The following F9 variants were observed in gnomAD, a reference collection of about 807,000 sequenced individuals.
F9 encodes Christmas factor.
A neutral mutation model predicts 34.1 loss-of-function variants in F9; 2 were observed. That is an observed-to-expected ratio of 0.06 (90% CI 0.02 to 0.18). The LOEUF is 0.18. F9 is among the 10% of genes least tolerant of loss of function. F9 has a pLI of 1.00. For missense variants in F9, 216 were observed against 345.1 expected (o/e 0.63, Z 2.96); for synonymous variants, 137 against 118.8 (o/e 1.15, Z -1.00).
chrX:139,544,433 T>G (rs1027270531), intron 4 of F9, among the ~76,000 whole-genome samples: 3 of 110,771 alleles, frequency 2.7e-5, no homozygotes, highest in Admixed American at 1.9e-4. Context: ...TAGCAAAGGT[T>G]AAAGCTCAAG....
chrX:139,540,709 T>A (rs1425136211), intron 3 of F9, among the ~76,000 whole-genome samples: 1 of 111,932 alleles, frequency 8.9e-6, no homozygotes, highest in Non-Finnish European at 1.9e-5. Flanking sequence ...GCAATTAAAT[T>A]TGACTTGGAA....
At chrX:139,541,518 G>A (rs1429201824) in intron 4 of F9, among the ~76,000 whole-genome samples, 1 of 111,734 alleles carries the variant, frequency 8.9e-6, no homozygotes, top group African/African-American at 3.3e-5. Flanking sequence ...AATTACAGAG[G>A]CATAAATGGT....
At position 139,563,044 on chromosome X, in the gene F9, A is replaced by C. The variant is rs1387333922; in HGVS notation, c.*973A>C. 9.3e-6 allele frequency: 1 copy of C among 107,032 alleles called. No homozygotes were observed. The highest frequency in any genetic ancestry group is 1.9e-5 in the Non-Finnish European group (1 of 52,047). 8.8% of individuals were successfully genotyped at this position (107,032 alleles called of 1,213,427 possible). The stretch of plus-strand genomic sequence containing the variant: ...GATTGGCATATCATTGTAACTAAAA[A>C]AGCTGACATTGACCCAGACATATTG... On this transcript the variant is annotated 3_prime_UTR_variant, in exon 8 of 8. Coordinates refer to ENST00000218099, the MANE Select transcript of F9 (RefSeq NM_000133.4).
chrX:139,561,451 C>T, intron 7 of F9, 73 bp from the exon 8 acceptor site: 2 of 946,952 alleles, frequency 2.1e-6, no homozygotes, highest in Non-Finnish European at 3.0e-6. Flanking sequence ...GTCAGTGGTC[C>T]CAAGTAGTCA....
At chrX:139,537,777 G>A (rs753890001) in intron 3 of F9, among the ~76,000 whole-genome samples, 7 of 111,158 alleles carry the variant, frequency 6.3e-5, no homozygotes, top group Admixed American at 2.9e-4. Context: ...TTCCATGATT[G>A]TCCTTCCCCA....
intron 1 of F9, among the ~76,000 whole-genome samples, chrX:139,535,593 T>C (rs1267149148): frequency 9.0e-6 from 1 of 111,183 alleles, no homozygotes. Flanking sequence ...TAGTCCCAAA[T>C]ACCCCAGAAA....
chrX:139,548,697 TTC>T (rs1927774930), intron 5 of F9, among the ~76,000 whole-genome samples: 1 of 112,130 alleles, frequency 8.9e-6, no homozygotes, highest in African/African-American at 3.2e-5. Context: ...CCTGAATTCT[TTC>T]TGTGTCCAAT....
At position 139,562,584 on chromosome X, in the gene F9, C is replaced by G. The variant is rs946570210; in HGVS notation, c.*513C>G. ...AAAAACACTACTCCTTTTCCTCTAC[C>G]CTATTCCTCAATCTTTTACCTTTTC... On this transcript the variant is annotated 3_prime_UTR_variant, in exon 8 of 8. Transcript: ENST00000218099. 2 of 114,243 alleles carry G rather than the reference C, an allele frequency of 1.8e-5. No individual in the cohort carries two copies. Among genetic ancestry groups the G allele is most frequent in the Non-Finnish European group, 1.8e-5 (1 of 55,010 alleles). The allele number at this position is 114,243 out of a possible 1,213,427, so 9.4% of individuals were successfully genotyped here. A position where few individuals can be genotyped will look rare whatever the true frequency, so the allele number is the denominator to read the frequency against.
intron 1 of F9, among the ~76,000 whole-genome samples, chrX:139,536,301 AGAGAG>A (rs1044061553): frequency 1.0e-4 from 8 of 79,720 alleles, no homozygotes; most frequent in East Asian, 6.0e-4. Flanking sequence ...AGAGAGAGAG[AGAGAG>A]GAGAGGAGAG....
At chrX:139,561,383 T>C (rs935176527) in intron 7 of F9, 141 bp from the exon 8 acceptor site, 1 of 552,766 alleles carries the variant, frequency 1.8e-6, no homozygotes, top group Non-Finnish European at 2.9e-6. Flanking sequence ...TTGGCTCTCA[T>C]TACATTTAAC....
intron 4 of F9, 106 bp downstream of exon 4, chrX:139,541,295 C>G (rs1019266579): frequency 2.1e-6 from 1 of 468,868 alleles, no homozygotes; most frequent in Non-Finnish European, 3.7e-6. Flanking sequence ...TAAAAACATA[C>G]CTTTGATGCT....
intron 1 of F9, among the ~76,000 whole-genome samples, chrX:139,531,394 TAA>T (rs994885035): frequency 2.2e-4 from 25 of 112,238 alleles, no homozygotes; most frequent in South Asian, 1.5e-3. Context: ...AGTTAAAACA[TAA>T]AGATTAACCT....
intron 3 of F9, among the ~76,000 whole-genome samples, chrX:139,537,791 T>TC (rs1199689993): frequency 1.8e-5 from 2 of 110,799 alleles, no homozygotes; most frequent in African/African-American, 6.6e-5. Context: ...TTCCCCACCC[T>TC]CCCCATTACC....
intron 6 of F9, among the ~76,000 whole-genome samples, chrX:139,555,805 A>G (rs1927954796): frequency 8.9e-6 from 1 of 112,312 alleles, no homozygotes; most frequent in Non-Finnish European, 1.9e-5. Context: ...CAAGTCTTGA[A>G]TTGCATACCG....
intron 6 of F9, among the ~76,000 whole-genome samples, chrX:139,552,409 T>A (rs1927867024): frequency 9.0e-6 from 1 of 111,631 alleles, no homozygotes. Flanking sequence ...AAAATCTGGG[T>A]TGTAACTTAG....
At chrX:139,549,492 C>T (rs1000768135) in intron 5 of F9, among the ~76,000 whole-genome samples, 4 of 111,682 alleles carry the variant, frequency 3.6e-5, no homozygotes, top group East Asian at 2.8e-4. Context: ...CTGAGAGCCC[C>T]GAACAGAGAT....
intron 6 of F9, among the ~76,000 whole-genome samples, chrX:139,559,144 T>A (rs1429490420): frequency 8.9e-6 from 1 of 112,930 alleles, no homozygotes; most frequent in African/African-American, 3.2e-5. Flanking sequence ...ACTCAATAAA[T>A]GTTCAAAAAT....
chrX:139,537,894 C>T (rs941456944), intron 3 of F9, among the ~76,000 whole-genome samples: 1 of 111,213 alleles, frequency 9.0e-6, no homozygotes, highest in African/African-American at 3.3e-5. Flanking sequence ...GGAATGCTCC[C>T]ACTTTGGAGG....
At position 139,548,420 on chromosome X, in the gene F9, A is replaced by G. The variant is rs1224210668; in HGVS notation, c.449A>G (p.Asp150Gly). ...RCEQFCKNSA[D>G]NKVVCSCTEG... ...GAGCAGTTTTGTAAAAATAGTGCTG[A>G]TAACAAGGTGGTTTGCTCCTGTACT... The change falls in exon 5 of 8, where the codon GAT (aspartate) becomes GGT (glycine). Residue 150 changes from aspartate (D) to glycine (G), a missense_variant. Physicochemically the swap from Asp to Gly is moderately conservative, Grantham distance 94 (BLOSUM62 -1). Around this residue, in one of 2 missense-constraint regions of F9, gnomAD observed 177 missense variants for 311.8 expected, o/e 0.57. Transcript: ENST00000218099. 1 of 1,210,844 alleles carries G rather than the reference A, an allele frequency of 8.3e-7. No individual in the cohort carries two copies. The highest frequency in any genetic ancestry group is 1.1e-6 in the Non-Finnish European group (1 of 894,590).
Sources: gnomAD v4.1 joint callset for allele counts (sites outside exome capture counted in the v4.1 genomes callset) on GRCh38, gnomAD v4.1.1 for gene constraint, gnomAD v4.1.1 regional missense constraint, MANE v1.5 for transcripts, NCBI Gene and HGNC (gene_info 2026-07-23, HGNC 2026-07-21) for gene names.